ATF3: variants seen among roughly 807,000 people sequenced by gnomAD.
ATF3 encodes the protein cyclic AMP-dependent transcription factor ATF-3.
Under a neutral mutation model 18.4 loss-of-function variants are expected in ATF3, and 10 were observed. That is an observed-to-expected ratio of 0.54 (90% CI 0.34 to 0.92). The LOEUF (loss-of-function observed/expected upper bound fraction) is 0.92. Ranked by LOEUF, ATF3 falls within the 40% of genes least tolerant of loss-of-function variation. The probability of loss-of-function intolerance (pLI) is 0.02; values close to 1 mark genes in which losing one functional copy is unlikely to be tolerated. For synonymous variants in ATF3, 78 were observed against 87.9 expected (o/e 0.89, Z 0.63); for missense variants, 183 against 222.3 (o/e 0.82, Z 1.12).
intron 1 of ATF3, among the ~76,000 whole-genome samples, chr1:212,595,296 T>C (rs1226083384): frequency 6.6e-6 from 1 of 152,118 alleles, no homozygotes; most frequent in Non-Finnish European, 1.5e-5. Flanking sequence ...CTGCAGAAAG[T>C]GTGGCTGCCA....
chr1:212,615,174 C>A lies in ATF3; in HGVS notation c.153C>A (p.Asn51Lys), dbSNP rs1170610284. 6.2e-7 allele frequency: 1 copy of A among 1,614,052 alleles called. No homozygotes were observed. The highest frequency in any genetic ancestry group is 1.3e-5 in the African/African-American group (1 of 74,918). The change falls in exon 2 of 4, where the codon AAC becomes AAA. Residue 51 changes from asparagine to lysine, a missense_variant. By Grantham distance (94) the Asn-to-Lys change is moderately conservative (BLOSUM62 0). Coordinates refer to ENST00000341491, the MANE Select transcript of ATF3 (RefSeq NM_001674.4). ...AAGAGCTGAGGTTTGCCATCCAGAA[C>A]AAGCACCTCTGCCACCGGATGTCCT... ...VKEELRFAIQ[N>K]KHLCHRMSSA...
intron 1 of ATF3, among the ~76,000 whole-genome samples, chr1:212,600,017 G>A (rs1654437925): frequency 6.6e-6 from 1 of 152,190 alleles, no homozygotes; most frequent in Non-Finnish European, 1.5e-5. Flanking sequence ...AAGATCCAGG[G>A]GAAAAAGGCT....
chr1:212,591,969 T>C (rs1242532345), intron 1 of ATF3, among the ~76,000 whole-genome samples: 2 of 152,218 alleles, frequency 1.3e-5, no homozygotes, highest in African/African-American at 4.8e-5. Flanking sequence ...TTCTAACAGA[T>C]AAGGACTTCT....
chr1:212,575,752 T>G (rs1664566616), intron 1 of ATF3, among the ~76,000 whole-genome samples: 1 of 152,184 alleles, frequency 6.6e-6, no homozygotes, highest in African/African-American at 2.4e-5. Context: ...CAATGCCTTT[T>G]CTGCATTTCT....
intron 1 of ATF3, among the ~76,000 whole-genome samples, chr1:212,572,417 T>C (rs1250546276): frequency 2.7e-5 from 3 of 109,462 alleles, no homozygotes; most frequent in Non-Finnish European, 6.0e-5. Context: ...CTCAGGAGGC[T>C]GAGGCAGAGA....
Position 212,619,706 on chromosome 1 carries a change from G to A in ATF3, c.*151G>A. 9.4e-7 allele frequency: 1 copy of A among 1,065,804 alleles called. No homozygotes were observed. 66.0% of individuals were successfully genotyped at this position (1,065,804 alleles called of 1,614,324 possible). On this transcript the variant is annotated 3_prime_UTR_variant, in exon 4 of 4. Coordinates refer to ENST00000341491, the MANE Select transcript of ATF3 (RefSeq NM_001674.4). This position sits in a 1 kb window ranked among gnomAD's most constrained non-coding sequence, Gnocchi z 4.4. The stretch of plus-strand genomic sequence containing the variant: ...AGGCGGGAGGGCCTGCAGTGATTCA[G>A]CAGGCCCTTCCCATTCTGCCCCAGA...
chr1:212,567,044 T>C (rs908197207), intron 1 of ATF3, among the ~76,000 whole-genome samples: 11 of 152,346 alleles, frequency 7.2e-5, no homozygotes, highest in South Asian at 2.1e-4. Context: ...ACTCTTCCTT[T>C]CATGTTGCAG....
chr1:212,587,822 C>T (rs1478682409), intron 1 of ATF3, among the ~76,000 whole-genome samples: 1 of 152,090 alleles, frequency 6.6e-6, no homozygotes, highest in Non-Finnish European at 1.5e-5. Context: ...AAAGGACAGA[C>T]AGGACAGGAA....
At chr1:212,595,594 A>C (rs1043299090) in intron 1 of ATF3, among the ~76,000 whole-genome samples, 1 of 152,104 alleles carries the variant, frequency 6.6e-6, no homozygotes, top group African/African-American at 2.4e-5. Context: ...GGAAACCATT[A>C]CTCGAATTGG....
At chr1:212,570,379 A>T (rs1459465541) in intron 1 of ATF3, among the ~76,000 whole-genome samples, 1 of 152,248 alleles carries the variant, frequency 6.6e-6, no homozygotes, top group East Asian at 1.9e-4. Context: ...GGAAATGCAC[A>T]AATCTTAAAT....
chr1:212,576,533 T>C (rs967637308), intron 1 of ATF3, among the ~76,000 whole-genome samples: 11 of 151,846 alleles, frequency 7.2e-5, no homozygotes, highest in African/African-American at 2.4e-4. Flanking sequence ...GCTGTTTTTA[T>C]TTGTTTATTC....
At chr1:212,590,437 G>C (rs1435856681) in intron 1 of ATF3, among the ~76,000 whole-genome samples, 1 of 150,790 alleles carries the variant, frequency 6.6e-6, no homozygotes, top group Non-Finnish European at 1.5e-5. Flanking sequence ...AAAAAAAAAT[G>C]TCACATAAGC....
Position 212,619,215 on chromosome 1 carries a change from C to G in ATF3, c.349-143C>G, listed in dbSNP as rs1655262551. On this transcript the variant is annotated intron_variant, in intron 3 of 3. Transcript: ENST00000341491. This position sits in a 1 kb window ranked among gnomAD's most constrained non-coding sequence, Gnocchi z 4.4. ...GCATTTTCCTAAACCCAGTGCTGCT[C>G]TCCCATCTCCCATCTTCCTCTCGCA... is the stretch of plus-strand genomic sequence containing the variant. 1 of 1,609,964 alleles carries G rather than the reference C, an allele frequency of 6.2e-7. No homozygotes were observed. The highest frequency in any genetic ancestry group is 8.5e-7 in the Non-Finnish European group (1 of 1,178,984).
intron 1 of ATF3, among the ~76,000 whole-genome samples, chr1:212,576,767 G>A (rs1456388001): frequency 3.6e-5 from 4 of 110,346 alleles, no homozygotes; most frequent in Non-Finnish European, 6.7e-5. Flanking sequence ...TCGCTCTGTC[G>A]CCCAGGCTGG....
chr1:212,584,564 T>G (rs1664744271), intron 1 of ATF3, among the ~76,000 whole-genome samples: 2 of 152,066 alleles, frequency 1.3e-5, no homozygotes, highest in African/African-American at 4.8e-5. Flanking sequence ...TCTTCAGGAC[T>G]TCAGACAACT....
At chr1:212,574,699 T>A (rs1664542404) in intron 1 of ATF3, among the ~76,000 whole-genome samples, 1 of 152,122 alleles carries the variant, frequency 6.6e-6, no homozygotes, top group African/African-American at 2.4e-5. Context: ...CTGATGTGAG[T>A]GAGAATCTAA....
chr1:212,579,656 C>G (rs1275948995), intron 1 of ATF3, among the ~76,000 whole-genome samples: 2 of 152,196 alleles, frequency 1.3e-5, no homozygotes, highest in Non-Finnish European at 2.9e-5. Flanking sequence ...AGGGCTGGCT[C>G]TGCCCTTGCC....
chr1:212,576,818 C>T (rs1275406271), intron 1 of ATF3, among the ~76,000 whole-genome samples: 2 of 143,324 alleles, frequency 1.4e-5, no homozygotes, highest in African/African-American at 5.2e-5. Context: ...ACCTCCGCCT[C>T]CCGGGTTCAA....
rs535769989 is a variant in ATF3, at chr1:212,609,382, G to T, written c.-5+452G>T. Among the ~76,000 whole-genome samples, 16 of 146,612 alleles carry T rather than the reference G, an allele frequency of 1.1e-4. 2 individuals carry two copies. The highest frequency in any genetic ancestry group is 6.1e-4 in the East Asian group (3 of 4,912). On this transcript the variant is annotated intron_variant, in intron 1 of 3. Coordinates refer to ENST00000341491, the MANE Select transcript of ATF3 (RefSeq NM_001674.4). ...GAGCCGATCCTTCCCGGGTGGGGGGGGGGGGGCGCAGAGAGGCACGAAGGC... is the reference window on the plus strand; with the variant it reads ...GAGCCGATCCTTCCCGGGTGGGGGGTGGGGGGCGCAGAGAGGCACGAAGGC...
Sources: gnomAD v4.1 joint callset for allele counts (sites outside exome capture counted in the v4.1 genomes callset) on GRCh38, gnomAD v4.1.1 for gene constraint, Gnocchi (gnomAD v3.1) non-coding constraint, MANE v1.5 for transcripts, NCBI Gene and HGNC (gene_info 2026-07-23, HGNC 2026-07-21) for gene names.